The following PRUNE1 variants were observed in gnomAD, a reference collection of about 807,000 sequenced individuals.
The protein encoded by PRUNE1 is exopolyphosphatase PRUNE1.
PRUNE1 carries 25 observed loss-of-function variants against 42.5 expected under a neutral mutation model. That is an observed-to-expected ratio of 0.59 (90% CI 0.43 to 0.82). The LOEUF is 0.82. PRUNE1 is among the 40% of genes least tolerant of loss of function. PRUNE1 has a pLI of 0.00. For missense variants in PRUNE1, 443 were observed against 539.3 expected (o/e 0.82, Z 1.77); for synonymous variants, 203 against 217.1 (o/e 0.93, Z 0.57).
At chr1:151,024,572 T>C in intron 3 of PRUNE1, 39 bp from the exon 4 acceptor site, 2 of 1,547,428 alleles carry the variant, frequency 1.3e-6, no homozygotes, top group Non-Finnish European at 1.8e-6. Flanking sequence ...TGTCCGTACC[T>C]ATCTTTCTTC....
At chr1:151,033,391 C>CTTT (rs1409975062) in intron 7 of PRUNE1, among the ~76,000 whole-genome samples, 9 of 126,786 alleles carry the variant, frequency 7.1e-5, no homozygotes, top group Non-Finnish European at 1.3e-4. Context: ...GGCTGACTTA[C>CTTT]TTTTTTTTTT....
At chr1:151,029,370 T>G (rs1197262714) in intron 7 of PRUNE1, among the ~76,000 whole-genome samples, 3 of 133,882 alleles carry the variant, frequency 2.2e-5, no homozygotes, top group South Asian at 2.4e-4. Flanking sequence ...GGAAAGTTTT[T>G]TTTTTTTTTT....
Position 151,034,176 on chromosome 1 carries a change from A to G in PRUNE1, c.1304A>G (p.Glu435Gly). 1 of 1,614,152 alleles carries G rather than the reference A, an allele frequency of 6.2e-7. No individual in the cohort carries two copies. The highest frequency in any genetic ancestry group is 8.5e-7 in the Non-Finnish European group (1 of 1,180,042). Residue 435 changes from glutamate (E) to glycine (G), a missense_variant, in exon 8 of 8, where the codon GAG becomes GGG. Glu to Gly is a moderately conservative substitution (Grantham distance 98). Coordinates refer to ENST00000271620, the MANE Select transcript of PRUNE1 (RefSeq NM_021222.3). ...LPKLSAEAVF[E>G]KCSQISLSQS... Reference sequence around the variant, plus strand: ...AAACTCTCTGCTGAGGCCGTCTTCGAGAAGTGCAGTCAGATCTCACTGTCA... The same window carrying G: ...AAACTCTCTGCTGAGGCCGTCTTCGGGAAGTGCAGTCAGATCTCACTGTCA...
At chr1:151,028,736 T>TTGA in intron 6 of PRUNE1, 50 bp from the exon 7 acceptor site, 3 of 1,583,744 alleles carry the variant, frequency 1.9e-6, no homozygotes, top group Non-Finnish European at 2.6e-6. Context: ...GGATGTTTTA[T>TTGA]TGATGATGAT....
intron 3 of PRUNE1, among the ~76,000 whole-genome samples, chr1:151,024,318 C>G (rs1165907227): frequency 1.3e-5 from 2 of 151,896 alleles, no homozygotes; most frequent in Admixed American, 6.6e-5. Context: ...CATGGCGAAA[C>G]CCCATCTCTA....
At chr1:151,020,988 A>G (rs900217725) in intron 3 of PRUNE1, among the ~76,000 whole-genome samples, 14 of 151,782 alleles carry the variant, frequency 9.2e-5, no homozygotes, top group Non-Finnish European at 5.9e-5. Context: ...ATCTTAAAAA[A>G]AAAAAAAAAT....
At chr1:151,033,419 G>T (rs4970992) in intron 7 of PRUNE1, among the ~76,000 whole-genome samples, 1 of 140,674 alleles carries the variant, frequency 7.1e-6, no homozygotes. Flanking sequence ...GAGATGCAGT[G>T]TTGCTCTGTC....
chr1:151,013,579 C>T (rs933492811), intron 1 of PRUNE1, among the ~76,000 whole-genome samples: 4 of 152,168 alleles, frequency 2.6e-5, no homozygotes, highest in African/African-American at 9.7e-5. Flanking sequence ...TGTAAATAAG[C>T]GTGGAAAGGT....
At chr1:151,030,083 G>A (rs587744015) in intron 7 of PRUNE1, among the ~76,000 whole-genome samples, 267 of 152,072 alleles carry the variant, frequency 1.8e-3, no homozygotes, top group African/African-American at 5.7e-3. Flanking sequence ...CCAACATGGT[G>A]AAACCCCATC....
chr1:151,034,209 C>T lies in PRUNE1; in HGVS notation c.1337C>T (p.Thr446Ile). The T allele has an allele frequency of 6.2e-7, 1 of 1,611,998 alleles. No individual in the cohort carries two copies. The highest frequency in any genetic ancestry group is 8.5e-7 in the Non-Finnish European group (1 of 1,178,610). The change falls in exon 8 of 8, where the codon ACC becomes ATC. Residue 446 changes from threonine to isoleucine, a missense_variant. Thr to Ile is a moderately conservative substitution (Grantham distance 89, BLOSUM62 -1). Transcript: ENST00000271620. Reference protein sequence around the residue: ...KCSQISLSQSTTASLSKK With the variant: ...KCSQISLSQSITASLSKK ...AGTCAGATCTCACTGTCACAGTCTA[C>T]CACAGCCTCCCTGTCCAAGAAGTGA...
intron 1 of PRUNE1, among the ~76,000 whole-genome samples, chr1:151,012,018 C>T (rs972305461): frequency 1.3e-5 from 2 of 151,984 alleles, no homozygotes; most frequent in Non-Finnish European, 2.9e-5. Context: ...ACCTCGTGGT[C>T]GGCCCACCTC....
intron 1 of PRUNE1, among the ~76,000 whole-genome samples, chr1:151,017,586 AT>A (rs756971433): frequency 1.7e-4 from 26 of 152,034 alleles, no homozygotes; most frequent in Non-Finnish European, 3.1e-4. Flanking sequence ...AATACAAAAA[AT>A]TAGCTGGGCA....
chr1:151,017,418 G>T (rs1371339352), intron 1 of PRUNE1, among the ~76,000 whole-genome samples: 2 of 152,098 alleles, frequency 1.3e-5, no homozygotes, highest in Non-Finnish European at 2.9e-5. Context: ...CCTCTGTGAA[G>T]ATCAATGAGA....
At chr1:151,024,842 C>T in intron 4 of PRUNE1, 47 bp downstream of exon 4, 1 of 1,544,272 alleles carries the variant, frequency 6.5e-7, no homozygotes. Flanking sequence ...TATTCCTGTC[C>T]CTGAGAAGGG....
In PRUNE1 at chr1:151,033,908, G is replaced by A. The variant is rs756583126; in HGVS notation, c.1036G>A (p.Val346Ile). ...TGCCTATCTTCAAGGCAACACCCAG[G>A]TCTCTCGAAAGAAACTTCTGCCCCT... ...LHAYLQGNTQ[V>I]SRKKLLPLLQ... The change falls in exon 8 of 8, where the codon GTC becomes ATC. Residue 346 changes from valine to isoleucine, a missense_variant. By Grantham distance (29) the Val-to-Ile change is conservative. Transcript: ENST00000271620. 11 of 1,613,774 alleles carry A rather than the reference G, an allele frequency of 6.8e-6. No homozygotes were observed. Among genetic ancestry groups the A allele is most frequent in the East Asian group, 2.2e-5 (1 of 44,886 alleles).
intron 1 of PRUNE1, 107 bp downstream of exon 1, chr1:151,008,778 A>C: frequency 2.4e-6 from 2 of 819,888 alleles, no homozygotes; most frequent in Non-Finnish European, 3.9e-6. Context: ...GGGAACACTG[A>C]GTTGTGGGGA....
At chr1:151,026,654 C>T (rs1387673560) in intron 5 of PRUNE1, among the ~76,000 whole-genome samples, 1 of 151,814 alleles carries the variant, frequency 6.6e-6, no homozygotes, top group African/African-American at 2.4e-5. Flanking sequence ...ACTCAGCTAC[C>T]ACCTGTTGAC....
At chr1:151,021,996 T>G (rs1335090035) in intron 3 of PRUNE1, among the ~76,000 whole-genome samples, 2 of 150,806 alleles carry the variant, frequency 1.3e-5, no homozygotes, top group Non-Finnish European at 3.0e-5. Flanking sequence ...ATGGTGTCTC[T>G]CTCGCTCTGT....
intron 3 of PRUNE1, among the ~76,000 whole-genome samples, chr1:151,024,248 G>C (rs928455799): frequency 2.7e-5 from 4 of 150,794 alleles, no homozygotes; most frequent in African/African-American, 9.8e-5. Context: ...CCAAAGGTCA[G>C]TTTTAAATGC....
Sources: allele counts gnomAD v4.1 joint callset (sites outside exome capture counted in the v4.1 genomes callset), GRCh38; gene constraint gnomAD v4.1.1; transcripts MANE v1.5; gene names NCBI Gene and HGNC (gene_info 2026-07-23, HGNC 2026-07-21).